ROBO1: variants seen among roughly 807,000 people sequenced by gnomAD.
The protein encoded by ROBO1 is roundabout homolog 1.
In ROBO1, 149 loss-of-function variants were observed where a neutral mutation model predicts 195.9. That is an observed-to-expected ratio of 0.76 (90% CI 0.67 to 0.87). The LOEUF (loss-of-function observed/expected upper bound fraction) is 0.87. Among genes scored for constraint, ROBO1 ranks in the 40% least tolerant of loss-of-function variants. ROBO1 has a pLI of 0.00. For synonymous variants in ROBO1, 816 were observed against 733.2 expected (o/e 1.11, Z -1.82); for missense variants, 1,933 against 2,068.3 (o/e 0.93, Z 1.27).
chr3:78,760,479 C>T (rs999442948), intron 4 of ROBO1, among the ~76,000 whole-genome samples: 17 of 152,140 alleles, frequency 1.1e-4, no homozygotes, highest in Non-Finnish European at 2.5e-4. Context: ...ATTTAGTCAT[C>T]AGCCTCCAAA....
chr3:78,686,111 G>A (rs755466123), intron 9 of ROBO1, among the ~76,000 whole-genome samples, 194 bp from the exon 10 acceptor site: 3 of 151,890 alleles, frequency 2.0e-5, no homozygotes, highest in Non-Finnish European at 2.9e-5. Flanking sequence ...ATATATACAT[G>A]TCCATGCATG....
chr3:78,861,803 TAG>T (rs1432972872), intron 4 of ROBO1, among the ~76,000 whole-genome samples: 3 of 152,174 alleles, frequency 2.0e-5, no homozygotes, highest in Non-Finnish European at 4.4e-5. Context: ...TAGAAATATA[TAG>T]ATTTTATTCC....
intron 3 of ROBO1, chr3:79,019,580 G>A (rs1170113729): frequency 4.1e-6 from 4 of 983,644 alleles, no homozygotes; most frequent in Non-Finnish European, 3.6e-6. Flanking sequence ...TCCAGGCGCT[G>A]GTCAGGCAAG....
chr3:79,738,733 G>T (rs1205176045), intron 1 of ROBO1, among the ~76,000 whole-genome samples: 1 of 152,062 alleles, frequency 6.6e-6, no homozygotes, highest in Admixed American at 6.6e-5. Context: ...AAATACTAAG[G>T]CTACTGCATT....
intron 3 of ROBO1, among the ~76,000 whole-genome samples, chr3:79,032,448 T>C (rs2078312997): frequency 6.6e-6 from 1 of 151,966 alleles, no homozygotes; most frequent in Non-Finnish European, 1.5e-5. Flanking sequence ...TTAGAATGGG[T>C]ATACTAATGG....
intron 28 of ROBO1, among the ~76,000 whole-genome samples, chr3:78,607,911 A>C (rs938129961): frequency 5.3e-5 from 8 of 151,998 alleles, no homozygotes; most frequent in African/African-American, 1.9e-4. Flanking sequence ...ACTACATTCA[A>C]TTGCATGTTT....
intron 2 of ROBO1, among the ~76,000 whole-genome samples, chr3:79,470,179 G>A (rs1337904425): frequency 6.6e-6 from 1 of 152,044 alleles, no homozygotes; most frequent in Admixed American, 6.6e-5. Context: ...ATCTATTATA[G>A]ACTGGATTAA....
chr3:79,042,311 A>G (rs2078502571), intron 3 of ROBO1, among the ~76,000 whole-genome samples: 4 of 152,172 alleles, frequency 2.6e-5, no homozygotes, highest in Non-Finnish European at 5.9e-5. Context: ...CACACACATG[A>G]GTTTAATATT....
chr3:79,087,232 G>T (rs943310763), intron 3 of ROBO1, among the ~76,000 whole-genome samples: 4 of 151,928 alleles, frequency 2.6e-5, no homozygotes, highest in Non-Finnish European at 4.4e-5. Flanking sequence ...ACAGTCAAAG[G>T]ATTTTCCTTA....
intron 3 of ROBO1, among the ~76,000 whole-genome samples, chr3:79,078,388 A>G (rs972796495): frequency 1.3e-5 from 2 of 151,798 alleles, no homozygotes; most frequent in African/African-American, 4.8e-5. Flanking sequence ...CTTTAAGTAG[A>G]GTTGAAATAT....
chr3:79,016,629 T>C (rs947420005), intron 3 of ROBO1, among the ~76,000 whole-genome samples: 1 of 152,178 alleles, frequency 6.6e-6, no homozygotes, highest in Non-Finnish European at 1.5e-5. Flanking sequence ...CTTTCAGTGA[T>C]ACCTTATTAA....
At chr3:79,759,113 C>T (rs986479415) in intron 1 of ROBO1, among the ~76,000 whole-genome samples, 1 of 152,066 alleles carries the variant, frequency 6.6e-6, no homozygotes, top group Non-Finnish European at 1.5e-5. Context: ...TAGCACAAAG[C>T]ATGCTTGTTT....
chr3:79,658,632 G>A (rs1946239901), intron 1 of ROBO1, among the ~76,000 whole-genome samples: 1 of 151,556 alleles, frequency 6.6e-6, no homozygotes, highest in South Asian at 2.1e-4. Context: ...GTATTTAATG[G>A]GTATATGAGA....
intron 2 of ROBO1, among the ~76,000 whole-genome samples, chr3:79,588,227 C>T (rs766664376): frequency 1.1e-4 from 17 of 151,644 alleles, no homozygotes; most frequent in African/African-American, 3.1e-4. Context: ...TGCACCTAAG[C>T]GTTCAAGTTG....
At chr3:79,459,555 TC>T (rs1450542240) in intron 2 of ROBO1, among the ~76,000 whole-genome samples, 1 of 151,926 alleles carries the variant, frequency 6.6e-6, no homozygotes, top group Non-Finnish European at 1.5e-5. Flanking sequence ...TTATTAATTC[TC>T]CGCATGCATT....
chr3:79,228,579 G>A (rs1337993114), intron 2 of ROBO1, among the ~76,000 whole-genome samples: 1 of 152,006 alleles, frequency 6.6e-6, no homozygotes, highest in Middle Eastern at 3.2e-3. Context: ...ATGTATAAAG[G>A]CCACTGATTC....
At chr3:79,708,287 CT>C (rs1430240162) in intron 1 of ROBO1, among the ~76,000 whole-genome samples, 1 of 152,148 alleles carries the variant, frequency 6.6e-6, no homozygotes, top group African/African-American at 2.4e-5. Context: ...CTATTTTCTT[CT>C]TTTAGCTTCC....
At chr3:79,184,158 C>T (rs1436453080) in intron 2 of ROBO1, among the ~76,000 whole-genome samples, 1 of 152,132 alleles carries the variant, frequency 6.6e-6, no homozygotes, top group East Asian at 1.9e-4. Flanking sequence ...ATGCAGTGAA[C>T]AGAGTAAACA....
At chr3:78,977,444 T>C (rs540158342) in intron 3 of ROBO1, among the ~76,000 whole-genome samples, 12 of 152,190 alleles carry the variant, frequency 7.9e-5, no homozygotes, top group South Asian at 2.1e-4. Flanking sequence ...TTTCCTTTGT[T>C]CTCTGGAATA....
Sources: allele counts gnomAD v4.1 joint callset (sites outside exome capture counted in the v4.1 genomes callset), GRCh38; gene constraint gnomAD v4.1.1; transcripts MANE v1.5; gene names NCBI Gene and HGNC (gene_info 2026-07-23, HGNC 2026-07-21).